The following PDE4D variants were observed in gnomAD, a reference collection of about 807,000 sequenced individuals.
PDE4D encodes the protein 3',5'-cyclic-AMP phosphodiesterase 4D.
In PDE4D, 24 loss-of-function variants were observed where a neutral mutation model predicts 87.4. The observed-to-expected ratio is 0.27, with a 90% CI of 0.20 to 0.39. PDE4D has a LOEUF of 0.39. Among genes scored for constraint, PDE4D ranks in the 10% least tolerant of loss-of-function variants. The pLI is 1.00. For missense variants in PDE4D, 714 were observed against 1,041.0 expected (o/e 0.69, Z 4.32); for synonymous variants, 384 against 383.2 (o/e 1.00, Z -0.02).
chr5:59,564,475 T>C (rs1351811253), intron 1 of PDE4D, among the ~76,000 whole-genome samples: 1 of 152,084 alleles, frequency 6.6e-6, no homozygotes, highest in Non-Finnish European at 1.5e-5. Context: ...AATAAATAAT[T>C]TTGTCCAAAC....
intron 5 of PDE4D, among the ~76,000 whole-genome samples, chr5:59,079,063 A>C (rs1766208910): frequency 6.6e-6 from 1 of 152,238 alleles, no homozygotes; most frequent in East Asian, 1.9e-4. Flanking sequence ...TGAGCCAATA[A>C]ATTTCAGCTC....
intron 1 of PDE4D, among the ~76,000 whole-genome samples, chr5:60,260,821 T>A (rs1485737364): frequency 1.3e-5 from 2 of 152,116 alleles, no homozygotes; most frequent in African/African-American, 4.8e-5. Flanking sequence ...TACTAGAAGT[T>A]TCATTTAAAA....
intron 6 of PDE4D, among the ~76,000 whole-genome samples, chr5:58,994,057 C>T (rs555610732): frequency 6.6e-6 from 1 of 152,198 alleles, no homozygotes; most frequent in South Asian, 2.1e-4. Context: ...AGTACTCTTC[C>T]AGGACTATGG....
intron 1 of PDE4D, among the ~76,000 whole-genome samples, chr5:60,423,411 A>C (rs953185438): frequency 2.6e-5 from 4 of 152,142 alleles, no homozygotes; most frequent in East Asian, 1.9e-4. Flanking sequence ...TGCTCAACTA[A>C]ATGGAAACTG....
chr5:60,507,085 G>A (rs943370920), intron 1 of PDE4D, among the ~76,000 whole-genome samples: 2 of 151,750 alleles, frequency 1.3e-5, no homozygotes, highest in Non-Finnish European at 2.9e-5. Context: ...AATATTAAGT[G>A]ATTTTTTTTT....
At chr5:60,197,070 T>TAGATAGATAGATAGATAGACAGAC (rs1316937670) in intron 1 of PDE4D, among the ~76,000 whole-genome samples, 3 of 122,920 alleles carry the variant, frequency 2.4e-5, no homozygotes, top group Non-Finnish European at 3.5e-5. Context: ...GATAGATAGA[T>TAGATAGATAGATAGATAGACAGAC]AGACAGTTAG....
At chr5:59,769,272 G>A (rs1358511917) in intron 1 of PDE4D, among the ~76,000 whole-genome samples, 1 of 152,100 alleles carries the variant, frequency 6.6e-6, no homozygotes, top group Non-Finnish European at 1.5e-5. Flanking sequence ...ACGCTTTACA[G>A]GTTGCAGTTG....
chr5:59,676,139 A>G (rs891588548), intron 1 of PDE4D, among the ~76,000 whole-genome samples: 3 of 152,130 alleles, frequency 2.0e-5, no homozygotes, highest in Admixed American at 1.3e-4. Flanking sequence ...ACAAGCATGC[A>G]CTTTTGTGAA....
At chr5:59,616,977 T>C (rs1318069764) in intron 1 of PDE4D, among the ~76,000 whole-genome samples, 1 of 134,508 alleles carries the variant, frequency 7.4e-6, no homozygotes, top group Non-Finnish European at 1.6e-5. Flanking sequence ...AGGTAATAAG[T>C]GCACATAAGA....
intron 1 of PDE4D, among the ~76,000 whole-genome samples, chr5:59,415,736 T>A (rs1582486534): frequency 6.6e-6 from 1 of 152,178 alleles, no homozygotes; most frequent in East Asian, 1.9e-4. Context: ...GAGGAAAGAA[T>A]GTTAAATATC....
intron 1 of PDE4D, among the ~76,000 whole-genome samples, chr5:59,425,745 T>C (rs924701000): frequency 9.2e-5 from 14 of 152,144 alleles, no homozygotes; most frequent in Non-Finnish European, 4.4e-5. Context: ...CCGCAATGCC[T>C]CCCTCGTGCA....
chr5:58,989,916 G>T lies in PDE4D; in HGVS notation c.1291C>A (p.Arg431=). The T allele has an allele frequency of 6.7e-7, 1 of 1,498,550 alleles. No homozygotes were observed. Among genetic ancestry groups the T allele is most frequent in the Non-Finnish European group, 9.2e-7 (1 of 1,088,744 alleles). The allele number at this position is 1,498,550 out of a possible 1,614,324, so 92.8% of individuals were successfully genotyped here. A position where few individuals can be genotyped will look rare whatever the true frequency, so the allele number is the denominator to read the frequency against. The change falls in exon 10 of 15, where the codon CGG becomes AGG. Residue 431 remains arginine (R), a synonymous_variant. Coordinates refer to ENST00000340635, the MANE Select transcript of PDE4D (RefSeq NM_001104631.2). The part of the protein sequence containing the change: ...TVIMHTIFQE[R]DLLKTFKIPV... ...ATTTTAAATGTTTTTAATAAATCCC[G>T]TTCCTGTAGGAAAAAAAATCATCTT...
chr5:60,010,386 T>A (rs978329551), intron 2 of PDE4D, among the ~76,000 whole-genome samples: 1 of 152,168 alleles, frequency 6.6e-6, no homozygotes, highest in East Asian at 1.9e-4. Context: ...AATACATTCA[T>A]ACAAAATTGA....
chr5:60,102,082 A>T (rs934094389), intron 2 of PDE4D, among the ~76,000 whole-genome samples: 1 of 152,178 alleles, frequency 6.6e-6, no homozygotes, highest in Non-Finnish European at 1.5e-5. Flanking sequence ...TAGAGTATCA[A>T]AGAAATTAAA....
chr5:59,581,037 T>C (rs1303423658), intron 1 of PDE4D, among the ~76,000 whole-genome samples: 1 of 152,190 alleles, frequency 6.6e-6, no homozygotes, highest in Non-Finnish European at 1.5e-5. Flanking sequence ...TATAGGCTGG[T>C]ACTTCTCAAA....
At chr5:60,218,525 T>C (rs940425792) in intron 1 of PDE4D, among the ~76,000 whole-genome samples, 2 of 151,900 alleles carry the variant, frequency 1.3e-5, no homozygotes, top group Non-Finnish European at 2.9e-5. Flanking sequence ...AAAAAAAGAA[T>C]AAATTTTAAA....
At chr5:59,889,041 ACATGGTGAAGCTC>A (rs1750562709) in intron 1 of PDE4D, among the ~76,000 whole-genome samples, 1 of 151,920 alleles carries the variant, frequency 6.6e-6, no homozygotes, top group Non-Finnish European at 1.5e-5. Flanking sequence ...AGCTTGGCCA[ACATGGTGAAGCTC>A]CATCTCTACT....
At chr5:59,320,226 G>C (rs1399477244) in intron 1 of PDE4D, among the ~76,000 whole-genome samples, 1 of 151,944 alleles carries the variant, frequency 6.6e-6, no homozygotes, top group African/African-American at 2.4e-5. Flanking sequence ...AATAAAAATG[G>C]GATGCTGATA....
chr5:59,004,234 A>G (rs973541761), intron 6 of PDE4D, among the ~76,000 whole-genome samples: 2 of 152,204 alleles, frequency 1.3e-5, no homozygotes, highest in East Asian at 3.8e-4. Flanking sequence ...ACACAACTAC[A>G]TTTTAAAAAG....
Sources: gnomAD v4.1 joint callset for allele counts (sites outside exome capture counted in the v4.1 genomes callset) on GRCh38, gnomAD v4.1.1 for gene constraint, MANE v1.5 for transcripts, NCBI Gene and HGNC (gene_info 2026-07-23, HGNC 2026-07-21) for gene names.